Variants in SLC48A1 observed in about 807,000 individuals in gnomAD.
The protein encoded by SLC48A1 is heme transporter HRG1.
SLC48A1 carries 6 observed loss-of-function variants against 14.8 expected under a neutral mutation model. The ratio of observed to expected loss-of-function variants is 0.41; its 90% CI spans 0.22 to 0.80. The LOEUF is 0.80. Among genes scored for constraint, SLC48A1 ranks in the 30% least tolerant of loss-of-function variants. The pLI, the probability that SLC48A1 is intolerant of heterozygous loss-of-function variation, is 0.34. For missense variants in SLC48A1, 165 were observed against 204.8 expected (o/e 0.81, Z 1.19); for synonymous variants, 89 against 90.0 (o/e 0.99, Z 0.06).
chr12:47,756,189 G>A (rs1942040657), upstream of SLC48A1: 2 of 152,204 alleles, frequency 1.3e-5, no homozygotes, highest in African/African-American at 4.8e-5. Context: ...GGGGGCTGTG[G>A]AGAGTCAGGA....
chr12:47,762,304 A>ACAC (rs1006642555), intron 2 of SLC48A1, among the ~76,000 whole-genome samples: 8 of 152,112 alleles, frequency 5.3e-5, no homozygotes, highest in Non-Finnish European at 1.0e-4. Context: ...GCTGAGCTCT[A>ACAC]CACAAGGTGA....
upstream of SLC48A1, chr12:47,758,489 C>T: frequency 5.0e-6 from 8 of 1,596,966 alleles, no homozygotes; most frequent in Non-Finnish European, 6.8e-6. Context: ...AACTCCCCAC[C>T]GTGTCAGCTT....
chr12:47,776,975 G>A (rs4760731), intron 1 of SLC48A1, among the ~76,000 whole-genome samples: 21,921 of 152,144 alleles, frequency 0.14, 2,084 homozygotes, highest in Admixed American at 0.31. Flanking sequence ...TCTGTGGCAC[G>A]AGGAGACAGA....
At chr12:47,758,483 C>T, upstream of SLC48A1, 2 of 1,593,182 alleles carry the variant, frequency 1.3e-6, no homozygotes, top group South Asian at 1.1e-5. Flanking sequence ...CACCCAAACT[C>T]CCCACCGTGT....
At chr12:47,766,417 T>G (rs1296053602) in intron 2 of SLC48A1, among the ~76,000 whole-genome samples, 1 of 152,202 alleles carries the variant, frequency 6.6e-6, no homozygotes, top group East Asian at 1.9e-4. Context: ...CAGCCCCATT[T>G]GTCCCCAGGC....
intron 2 of SLC48A1, among the ~76,000 whole-genome samples, chr12:47,763,336 A>G (rs143922404): frequency 3.3e-5 from 5 of 152,254 alleles, no homozygotes; most frequent in Non-Finnish European, 7.4e-5. Context: ...AATTTCACTA[A>G]TAGGCCTCCC....
intron 1 of SLC48A1, chr12:47,778,764 A>G (rs187575318): frequency 2.2e-5 from 9 of 418,548 alleles, no homozygotes; most frequent in Non-Finnish European, 3.8e-5. Context: ...AGAGATATTC[A>G]TGTTTTCCAA....
intron 1 of SLC48A1, among the ~76,000 whole-genome samples, chr12:47,773,785 G>A (rs1942679922): frequency 6.6e-6 from 1 of 151,994 alleles, no homozygotes; most frequent in South Asian, 2.1e-4. Context: ...GCGCGCCCGC[G>A]GCGCTGGTCG....
At chr12:47,755,369 G>A (rs989813650), upstream of SLC48A1, among the ~76,000 whole-genome samples, 25 of 152,174 alleles carry the variant, frequency 1.6e-4, no homozygotes, top group Non-Finnish European at 3.7e-4. Context: ...CATAAGTACT[G>A]TATAACTATT....
chr12:47,758,484 C>A, upstream of SLC48A1: 2 of 1,594,216 alleles, frequency 1.3e-6, no homozygotes, highest in Admixed American at 1.7e-5. Context: ...ACCCAAACTC[C>A]CCACCGTGTC....
upstream of SLC48A1, among the ~76,000 whole-genome samples, chr12:47,772,675 TAA>T (rs57198948): frequency 2.7e-5 from 4 of 146,424 alleles, no homozygotes; most frequent in Non-Finnish European, 4.5e-5. Flanking sequence ...AGACTCTGTT[TAA>T]AAAAAAAAAA....
intron 2 of SLC48A1, among the ~76,000 whole-genome samples, chr12:47,762,770 T>C (rs1444736719): frequency 6.6e-6 from 1 of 152,150 alleles, no homozygotes; most frequent in Non-Finnish European, 1.5e-5. Flanking sequence ...CTAAACACCA[T>C]TGTGCACTGC....
At chr12:47,768,810 A>G (rs1040962080), upstream of SLC48A1, 2 of 152,212 alleles carry the variant, frequency 1.3e-5, no homozygotes, top group Non-Finnish European at 2.9e-5. Context: ...AGAAGGATTG[A>G]TGGTTTAGAC....
chr12:47,766,507 GAA>G (rs1214020216), intron 2 of SLC48A1, among the ~76,000 whole-genome samples: 1 of 152,176 alleles, frequency 6.6e-6, no homozygotes, highest in Non-Finnish European at 1.5e-5. Context: ...AGTAAAAGGT[GAA>G]AGAGAATCAG....
intron 1 of SLC48A1, among the ~76,000 whole-genome samples, chr12:47,775,720 T>C (rs1244109155): frequency 1.3e-5 from 2 of 152,224 alleles, no homozygotes; most frequent in Non-Finnish European, 2.9e-5. Flanking sequence ...TCTCCTGTGT[T>C]GGACCAGGCA....
chr12:47,767,725 A>G (rs1942547053), upstream of SLC48A1, among the ~76,000 whole-genome samples: 1 of 152,256 alleles, frequency 6.6e-6, no homozygotes, highest in South Asian at 2.1e-4. Context: ...GACTTGAATG[A>G]TGAGGGATCA....
chr12:47,779,038 AC>A lies in SLC48A1; in HGVS notation c.148del (p.Leu50CysfsTer5). 6.4e-7 allele frequency: 1 copy of A among 1,551,644 alleles called. No homozygotes were observed. Among genetic ancestry groups the A allele is most frequent in the African/African-American group, 1.4e-5 (1 of 73,154 alleles). ...GTGTCTCTCCTGCAGGGGTGCTGGCACTGTGGGTCCTGGTGACGCACGTGAT... is the reference window on the plus strand; with the variant it reads ...GTGTCTCTCCTGCAGGGGTGCTGGCATGTGGGTCCTGGTGACGCACGTGAT... ...AMGGLAGVLA[L>X]WVLVTHVMYM... On this transcript the variant is annotated frameshift_variant, in exon 2 of 3. Coordinates refer to ENST00000442218, the MANE Select transcript of SLC48A1 (RefSeq NM_017842.3). LOFTEE classifies it high-confidence loss of function.
chr12:47,766,003 C>A (rs1942508377), intron 2 of SLC48A1, among the ~76,000 whole-genome samples: 1 of 152,222 alleles, frequency 6.6e-6, no homozygotes, highest in African/African-American at 2.4e-5. Flanking sequence ...CGCTGTCTTA[C>A]TCCATCTCTT....
chr12:47,777,988 A>T lies in SLC48A1; in HGVS notation c.137-1040A>T, dbSNP rs1942787310. Among the ~76,000 whole-genome samples, 1 of 152,170 alleles carries T rather than the reference A, an allele frequency of 6.6e-6. No individual in the cohort carries two copies. The highest frequency in any genetic ancestry group is 6.5e-5 in the Admixed American group (1 of 15,280). On this transcript the variant is annotated intron_variant, in intron 1 of 2. Transcript: ENST00000442218. This position sits in a 1 kb window ranked among gnomAD's most constrained non-coding sequence, Gnocchi z 4.5. ...TTGGAAAGGCCTCCTGACTCCTAGGATGCAGCGGCCTGAGTGGCCCACACC... is the reference window on the plus strand; with the variant it reads ...TTGGAAAGGCCTCCTGACTCCTAGGTTGCAGCGGCCTGAGTGGCCCACACC...
Sources: gnomAD v4.1 joint callset for allele counts (sites outside exome capture counted in the v4.1 genomes callset) on GRCh38, gnomAD v4.1.1 for gene constraint, Gnocchi (gnomAD v3.1) non-coding constraint, MANE v1.5 for transcripts, NCBI Gene and HGNC (gene_info 2026-07-23, HGNC 2026-07-21) for gene names.